Variants in NARS1 observed in about 807,000 individuals in gnomAD.
The protein encoded by NARS1 is asparaginyl-tRNA synthetase 1.
Under a neutral mutation model 79.2 loss-of-function variants are expected in NARS1, and 65 were observed. That is an observed-to-expected ratio of 0.82 (90% CI 0.67 to 1.01). The LOEUF is 1.01. NARS1 is among the 50% of genes least tolerant of loss of function. The probability of loss-of-function intolerance (pLI) is 0.00; values close to 1 mark genes in which losing one functional copy is unlikely to be tolerated. For synonymous variants in NARS1, 229 were observed against 238.8 expected, an observed-to-expected ratio of 0.96 and a Z score of 0.38; for missense variants, 649 against 673.8, an observed-to-expected ratio of 0.96 and a Z score of 0.41.
chr18:57,607,610 G>A lies in NARS1; in HGVS notation c.635C>T (p.Pro212Leu), dbSNP rs1312317776. The change falls in exon 8 of 14, where the codon CCT (proline) becomes CTT (leucine). Residue 212 changes from proline (P) to leucine (L), a missense_variant. Transcript: ENST00000256854. ...GATCAGGTTGTCAGCTCCTCCAGCAGGGGCCAACCCAATTAGTTCCCAGAA... is the reference window on the plus strand; with the variant it reads ...GATCAGGTTGTCAGCTCCTCCAGCAAGGGCCAACCCAATTAGTTCCCAGAA... ...CDFWELIGLAPAGGADNLINE... is the reference protein window; with the variant it reads ...CDFWELIGLALAGGADNLINE... 2 of 1,614,092 alleles carry A rather than the reference G, an allele frequency of 1.2e-6. No individual in the cohort carries two copies. Among genetic ancestry groups the A allele is most frequent in the Non-Finnish European group, 1.7e-6 (2 of 1,180,024 alleles).
chr18:57,603,593 A>G (rs991173559), intron 11 of NARS1, among the ~76,000 whole-genome samples: 14 of 152,234 alleles, frequency 9.2e-5, no homozygotes, highest in Non-Finnish European at 2.1e-4. Context: ...ACATCCTTCT[A>G]TACCACACAT....
intron 5 of NARS1, among the ~76,000 whole-genome samples, chr18:57,611,974 C>G (rs2051608168): frequency 6.6e-6 from 1 of 152,088 alleles, no homozygotes; most frequent in Non-Finnish European, 1.5e-5. Flanking sequence ...CCAGACTGGT[C>G]TCAAGCTCCT....
intron 6 of NARS1, among the ~76,000 whole-genome samples, chr18:57,610,730 G>T (rs2051598211): frequency 6.6e-6 from 1 of 152,132 alleles, no homozygotes; most frequent in South Asian, 2.1e-4. Flanking sequence ...AGTAATGGGT[G>T]GGGAGAGGGG....
intron 7 of NARS1, 145 bp downstream of exon 7, chr18:57,609,212 C>G: frequency 1.8e-6 from 1 of 565,370 alleles, no homozygotes; most frequent in Non-Finnish European, 3.0e-6. Context: ...TCCTTAAAAA[C>G]TCCCTTTCAC....
intron 9 of NARS1, 85 bp from the exon 10 acceptor site, chr18:57,606,836 C>A: frequency 6.5e-7 from 1 of 1,542,366 alleles, no homozygotes; most frequent in South Asian, 1.2e-5. Context: ...GGGAAGCTGT[C>A]CATAAAATGC....
Position 57,607,558 on chromosome 18 carries a change from C to G in NARS1, c.687G>C (p.Gln229His). Residue 229 changes from glutamine (Q) to histidine (H), a missense_variant, in exon 8 of 14, where the codon CAG (glutamine) becomes CAC (histidine). By Grantham distance (24) the Gln-to-His change is conservative. Transcript: ENST00000256854. ...LINEESDVDV[Q>H]LNNRHMMIRG... is the part of the protein sequence containing the mutation. Reference sequence around the variant, plus strand: ...GGATCATCATGTGTCTGTTGTTGAGCTGGACATCAACGTCAGACTCCTCAT... The same window carrying G: ...GGATCATCATGTGTCTGTTGTTGAGGTGGACATCAACGTCAGACTCCTCAT... The G allele has an allele frequency of 1.2e-6, 2 of 1,614,080 alleles. No homozygotes were observed.
In NARS1 at chr18:57,601,639, C is replaced by A. The variant is rs2122416122; in HGVS notation, c.*13G>T. ...CTTTCATAATCTTTCCTCCACGCTT[C>A]TGGAGAAAATGGTTATGGCGTGCAA... On this transcript the variant is annotated 3_prime_UTR_variant, in exon 14 of 14. Coordinates refer to ENST00000256854, the MANE Select transcript of NARS1 (RefSeq NM_004539.4). The A allele has an allele frequency of 6.2e-7, 1 of 1,612,352 alleles. No individual in the cohort carries two copies. The highest frequency in any genetic ancestry group is 1.1e-5 in the South Asian group (1 of 90,972).
rs748564906 is a variant in NARS1, at chr18:57,609,394, A to G, written c.542T>C (p.Val181Ala). Residue 181 changes from valine (V) to alanine (A), a missense_variant, in exon 7 of 14, where the codon GTG (valine) becomes GCG (alanine). Val to Ala is a moderately conservative substitution (Grantham distance 64, BLOSUM62 0). Coordinates refer to ENST00000256854, the MANE Select transcript of NARS1 (RefSeq NM_004539.4). Reference sequence around the variant, plus strand: ...TGGGGTAAGATTTAGCATTCCATACACTGCAACACTGCTCTCCGTGGACAA... The same window carrying G: ...TGGGGTAAGATTTAGCATTCCATACGCTGCAACACTGCTCTCCGTGGACAA... ...VLLSTESSVA[V>A]YGMLNLTPKG... 1.7e-5 allele frequency: 27 copies of G among 1,613,798 alleles called. No homozygotes were observed. In the South Asian group the frequency reaches 2.9e-4, roughly 17 times the overall value.
intron 10 of NARS1, 38 bp from the exon 11 acceptor site, chr18:57,606,008 A>C (rs1044862361): frequency 1.1e-5 from 14 of 1,249,832 alleles, no homozygotes; most frequent in Non-Finnish European, 1.6e-5. Context: ...GTATATATAC[A>C]TAAATATAAA....
intron 6 of NARS1, 63 bp from the exon 7 acceptor site, chr18:57,609,506 A>G (rs1442720231): frequency 3.7e-6 from 5 of 1,338,828 alleles, no homozygotes; most frequent in African/African-American, 1.4e-5. Context: ...TACCATATAG[A>G]AAGTTAAAGG....
intron 2 of NARS1, among the ~76,000 whole-genome samples, chr18:57,618,237 C>T (rs1033034192): frequency 1.4e-5 from 2 of 140,156 alleles, no homozygotes; most frequent in African/African-American, 2.9e-5. Flanking sequence ...TGCAGTGAGC[C>T]GAGATCATGC....
Position 57,605,939 on chromosome 18 carries a change from C to A in NARS1, c.1169G>T (p.Arg390Leu). 1 of 1,612,990 alleles carries A rather than the reference C, an allele frequency of 6.2e-7. No homozygotes were observed. Among genetic ancestry groups the A allele is most frequent in the South Asian group, 1.1e-5 (1 of 90,938 alleles). The change falls in exon 11 of 14, where the codon CGG becomes CTG. Residue 390 changes from arginine (R) to leucine (L), a missense_variant. Arg to Leu is a moderately radical substitution (Grantham distance 102, BLOSUM62 -2). Coordinates refer to ENST00000256854, the MANE Select transcript of NARS1 (RefSeq NM_004539.4). ...NFQPPKRPFK[R>L]MNYSDAIVWL... Reference sequence around the variant, plus strand: ...AACGATAGCATCTGAATAGTTCATCCGTTTGAAAGGCCGTTTGGGGGGCTG... The same window carrying A: ...AACGATAGCATCTGAATAGTTCATCAGTTTGAAAGGCCGTTTGGGGGGCTG...
At chr18:57,616,084 C>A in intron 2 of NARS1, 109 bp from the exon 3 acceptor site, 1 of 1,003,560 alleles carries the variant, frequency 1.0e-6, no homozygotes, top group East Asian at 2.6e-5. Flanking sequence ...ATAAAGACCC[C>A]AACAGCCAAA....
chr18:57,600,740 TA>T lies in NARS1; in HGVS notation c.*911del, dbSNP rs2122414108. 6.6e-6 allele frequency: 1 copy of T among 152,266 alleles called. No homozygotes were observed. Among genetic ancestry groups the T allele is most frequent in the Non-Finnish European group, 1.5e-5 (1 of 68,014 alleles). The allele number at this position is 152,266 out of a possible 1,614,324, so 9.4% of individuals were successfully genotyped here. ...ACATGCATTTGGTGGAGAAATCAAC[TA>T]AATCTGAAATGAAGCCATTCAGTAA... On this transcript the variant is annotated 3_prime_UTR_variant, in exon 14 of 14. Coordinates refer to ENST00000256854, the MANE Select transcript of NARS1 (RefSeq NM_004539.4).
chr18:57,612,439 C>T (rs375472492), intron 5 of NARS1, among the ~76,000 whole-genome samples: 1 of 152,040 alleles, frequency 6.6e-6, no homozygotes, highest in Non-Finnish European at 1.5e-5. Context: ...TCCCCTCCAC[C>T]GTCGCTTTTT....
chr18:57,604,826 T>C (rs2051539871), intron 11 of NARS1, among the ~76,000 whole-genome samples: 2 of 152,112 alleles, frequency 1.3e-5, no homozygotes, highest in Admixed American at 6.6e-5. Context: ...GAGTTCAAGG[T>C]TGTAGCCAGC....
intron 1 of NARS1, among the ~76,000 whole-genome samples, chr18:57,621,399 T>C (rs758910511): frequency 2.8e-4 from 43 of 152,294 alleles, no homozygotes; most frequent in African/African-American, 8.9e-4. Flanking sequence ...GGCTACCCTG[T>C]GTCTGAACCC....
chr18:57,618,468 C>T (rs539987246), intron 2 of NARS1, among the ~76,000 whole-genome samples: 49 of 152,300 alleles, frequency 3.2e-4, no homozygotes, highest in Non-Finnish European at 5.3e-4. Flanking sequence ...GAATGCTACA[C>T]TTTTGTTAAC....
chr18:57,612,599 C>T (rs1341946539), intron 5 of NARS1, among the ~76,000 whole-genome samples: 1 of 152,124 alleles, frequency 6.6e-6, no homozygotes, highest in Admixed American at 6.6e-5. Flanking sequence ...CCACACCCAG[C>T]TAATTTTTGT....
Sources: allele counts gnomAD v4.1 joint callset (sites outside exome capture counted in the v4.1 genomes callset), GRCh38; gene constraint gnomAD v4.1.1; transcripts MANE v1.5; gene names NCBI Gene and HGNC (gene_info 2026-07-23, HGNC 2026-07-21).